VDAC1: variants seen among roughly 807,000 people sequenced by gnomAD.
The protein encoded by VDAC1 is non-selective voltage-gated ion channel VDAC1.
In VDAC1, 10 loss-of-function variants were observed where a neutral mutation model predicts 34.7. That is an observed-to-expected ratio of 0.29 (90% CI 0.18 to 0.49). The LOEUF (loss-of-function observed/expected upper bound fraction) is 0.49. Ranked by LOEUF, VDAC1 falls within the 20% of genes least tolerant of loss-of-function variation. The pLI is 0.99. For synonymous variants in VDAC1, 130 were observed against 136.0 expected (o/e 0.96, Z 0.30); for missense variants, 230 against 347.9 (o/e 0.66, Z 2.69).
chr5:134,105,638 G>A, the VDAC1 span, among the ~76,000 whole-genome samples: 8 of 152,178 alleles, frequency 5.3e-5, no homozygotes, highest in African/African-American at 1.2e-4. Flanking sequence ...GTCCTGTTGG[G>A]ACAAAACAGA....
chr5:134,044,699 A>G, the VDAC1 span, among the ~76,000 whole-genome samples: 1 of 152,152 alleles, frequency 6.6e-6, no homozygotes, highest in African/African-American at 2.4e-5. Context: ...TTATCTGGGT[A>G]TGCATCTAGG....
chr5:134,093,194 G>A, the VDAC1 span, among the ~76,000 whole-genome samples: 624 of 152,344 alleles, frequency 4.1e-3, 3 homozygotes, highest in African/African-American at 0.014. Flanking sequence ...AAGGTTAGAT[G>A]TAAAGAGAAC....
At chr5:134,016,242 G>A in the VDAC1 span, among the ~76,000 whole-genome samples, 5 of 152,172 alleles carry the variant, frequency 3.3e-5, no homozygotes, top group Non-Finnish European at 7.3e-5. Context: ...GCAAACTCGG[G>A]CCCAGTGCTG....
At chr5:134,019,677 G>A in the VDAC1 span, among the ~76,000 whole-genome samples, 1 of 152,060 alleles carries the variant, frequency 6.6e-6, no homozygotes, top group Non-Finnish European at 1.5e-5. Flanking sequence ...CTCTACCTAA[G>A]GCTACAACAA....
At chr5:134,038,912 A>G in the VDAC1 span, among the ~76,000 whole-genome samples, 1 of 122,352 alleles carries the variant, frequency 8.2e-6, no homozygotes, top group Non-Finnish European at 1.7e-5. Flanking sequence ...TGTGTCTATC[A>G]TTGAGATAGA....
intron 6 of VDAC1, among the ~76,000 whole-genome samples, chr5:133,976,815 G>A (rs775579212): frequency 6.6e-6 from 1 of 152,142 alleles, no homozygotes; most frequent in African/African-American, 2.4e-5. Flanking sequence ...AGGCCAAGGC[G>A]GGCAGATCAT....
At chr5:134,031,858 G>A in the VDAC1 span, among the ~76,000 whole-genome samples, 325 of 151,612 alleles carry the variant, frequency 2.1e-3, 1 homozygote, top group African/African-American at 7.5e-3. Context: ...GGCTGAGGCA[G>A]GAGAATCGCT....
the VDAC1 span, among the ~76,000 whole-genome samples, chr5:134,052,523 T>C: frequency 6.6e-6 from 1 of 152,084 alleles, no homozygotes. Flanking sequence ...CTCGAACTCC[T>C]GGGCTCAAGT....
At chr5:134,046,608 C>T in the VDAC1 span, among the ~76,000 whole-genome samples, 1 of 152,182 alleles carries the variant, frequency 6.6e-6, no homozygotes, top group Admixed American at 6.5e-5. Flanking sequence ...CCTACCACAC[C>T]AGAAATGGAG....
chr5:134,023,496 A>AAAT, the VDAC1 span, among the ~76,000 whole-genome samples: 2 of 151,332 alleles, frequency 1.3e-5, no homozygotes, highest in Non-Finnish European at 3.0e-5. Flanking sequence ...AAAAAAAAAA[A>AAAT]GACAACCCTC....
intron 1 of VDAC1, among the ~76,000 whole-genome samples, chr5:133,999,054 T>C (rs1045421617): frequency 5.3e-5 from 8 of 152,208 alleles, no homozygotes; most frequent in African/African-American, 1.9e-4. Flanking sequence ...CTCACGCCTC[T>C]AATCCCAGCA....
the VDAC1 span, among the ~76,000 whole-genome samples, chr5:134,039,410 G>A: frequency 9.1e-3 from 1,387 of 152,246 alleles, 22 homozygotes; most frequent in African/African-American, 0.031. Flanking sequence ...CTCACTGTAA[G>A]CTCTGCCTCC....
At chr5:134,081,883 TC>T in the VDAC1 span, 1 of 155,110 alleles carries the variant, frequency 6.4e-6, no homozygotes. Context: ...AATCAGTGTA[TC>T]CAGAAGGCAG....
intron 5 of VDAC1, among the ~76,000 whole-genome samples, chr5:133,989,777 C>CTCAGCCTCCCAAGTAGCTGGGA (rs1753035264): frequency 6.6e-6 from 1 of 152,190 alleles, no homozygotes; most frequent in East Asian, 1.9e-4. Flanking sequence ...ATTCTCCTGC[C>CTCAGCCTCCCAAGTAGCTGGGA]TCAGCCTCCC....
At chr5:134,017,448 C>T in the VDAC1 span, among the ~76,000 whole-genome samples, 1 of 151,880 alleles carries the variant, frequency 6.6e-6, no homozygotes, top group East Asian at 1.9e-4. Flanking sequence ...AAGAGCGAAA[C>T]TCCATCTCAA....
the VDAC1 span, among the ~76,000 whole-genome samples, chr5:134,080,531 T>C: frequency 0.11 from 17,412 of 152,176 alleles, 1,423 homozygotes; most frequent in African/African-American, 0.23. Flanking sequence ...GGAGGTACAG[T>C]ACCACGGGCA....
At chr5:134,024,950 G>T in the VDAC1 span, among the ~76,000 whole-genome samples, 1 of 152,198 alleles carries the variant, frequency 6.6e-6, no homozygotes, top group Admixed American at 6.5e-5. Flanking sequence ...TCCAGCCCTG[G>T]CCAAGCTCCC....
chr5:134,077,868 G>A, the VDAC1 span, among the ~76,000 whole-genome samples: 1 of 152,352 alleles, frequency 6.6e-6, no homozygotes, highest in South Asian at 2.1e-4. Flanking sequence ...TCCTACTAAA[G>A]CCAGAGAAGG....
the VDAC1 span, among the ~76,000 whole-genome samples, chr5:134,082,802 T>A: frequency 6.6e-6 from 1 of 152,250 alleles, no homozygotes; most frequent in Non-Finnish European, 1.5e-5. Flanking sequence ...GGTTTTAATC[T>A]GCATTTCCCT....
Sources: allele counts gnomAD v4.1 joint callset (sites outside exome capture counted in the v4.1 genomes callset), GRCh38; gene constraint gnomAD v4.1.1; transcripts MANE v1.5; gene names NCBI Gene and HGNC (gene_info 2026-07-23, HGNC 2026-07-21).